Variants in CNST observed in about 807,000 individuals in gnomAD.
The protein encoded by CNST is consortin, connexin sorting protein.
CNST carries 39 observed loss-of-function variants against 72.4 expected under a neutral mutation model. That is an observed-to-expected ratio of 0.54 (90% CI 0.42 to 0.70). CNST has a LOEUF of 0.70. CNST is among the 30% of genes least tolerant of loss of function. CNST has a pLI of 0.00. For synonymous variants in CNST, 332 were observed against 320.1 expected, an observed-to-expected ratio of 1.04 and a Z score of -0.40; for missense variants, 871 against 868.5, an observed-to-expected ratio of 1.00 and a Z score of -0.04.
intron 9 of CNST, among the ~76,000 whole-genome samples, chr1:246,650,695 T>G (rs1666397476): frequency 6.6e-6 from 1 of 150,596 alleles, no homozygotes; most frequent in Non-Finnish European, 1.5e-5. Context: ...TTTTTTTTTT[T>G]GATACAGAGT....
At chr1:246,575,746 GGT>G (rs1227367131) in intron 1 of CNST, among the ~76,000 whole-genome samples, 10 of 152,100 alleles carry the variant, frequency 6.6e-5, no homozygotes, top group Middle Eastern at 3.4e-3. Context: ...TGTCGATAAA[GGT>G]GTCATGAAAC....
In CNST at chr1:246,629,259, C is replaced by G. The variant is rs532917737; in HGVS notation, c.586-2635C>G. 3.9e-4 allele frequency among the ~76,000 whole-genome samples: 59 copies of G among 152,256 alleles called. No individual in the cohort carries two copies. The South Asian group carries it at 4.8e-3, about 12-fold the overall frequency. On this transcript the variant is annotated intron_variant, in intron 3 of 10. Coordinates refer to ENST00000366513, the MANE Select transcript of CNST (RefSeq NM_152609.3). The stretch of plus-strand genomic sequence containing the variant: ...CCTCCAACCCCATGTTCTTTCTGCT[C>G]TACTGGGCTAGCTTTCAGATTTAGA...
chr1:246,614,183 C>T (rs114698542), intron 2 of CNST, among the ~76,000 whole-genome samples: 2,999 of 152,078 alleles, frequency 0.02, 90 homozygotes, highest in African/African-American at 0.061. Context: ...GAGGATGGGA[C>T]CCAAGTCTAA....
At chr1:246,585,641 C>CAA (rs543693321) in intron 1 of CNST, among the ~76,000 whole-genome samples, 29 of 42,828 alleles carry the variant, frequency 6.8e-4, no homozygotes, top group African/African-American at 1.1e-3. Flanking sequence ...GACTCTGTCT[C>CAA]AAAAAAAAAA....
At chr1:246,631,729 C>T (rs148713970) in intron 3 of CNST, among the ~76,000 whole-genome samples, 165 bp from the exon 4 acceptor site, 178 of 152,246 alleles carry the variant, frequency 1.2e-3, no homozygotes, top group African/African-American at 4.1e-3. Context: ...GCATCCTGTG[C>T]CTACAGTCAG....
intron 9 of CNST, among the ~76,000 whole-genome samples, chr1:246,650,976 C>T (rs976848472): frequency 3.9e-5 from 6 of 152,078 alleles, no homozygotes; most frequent in African/African-American, 1.2e-4. Context: ...CCATGCTTGG[C>T]CTTCAAACAC....
rs375848641 is a variant in CNST, at chr1:246,610,556, G to A, written c.380-10873G>A. 1.5e-3 allele frequency among the ~76,000 whole-genome samples: 229 copies of A among 152,178 alleles called. 5 individuals carry two copies. The South Asian group carries it at 0.043, about 29-fold the overall frequency. On this transcript the variant is annotated intron_variant, in intron 2 of 10. Coordinates refer to ENST00000366513, the MANE Select transcript of CNST (RefSeq NM_152609.3). ...TGGTGATGTCTTTGTATTGAAAACC[G>A]GACATTGGTGTATTATGATGTGGTA...
intron 2 of CNST, among the ~76,000 whole-genome samples, chr1:246,600,996 G>T (rs1469302130): frequency 6.6e-6 from 1 of 152,090 alleles, no homozygotes; most frequent in Non-Finnish European, 1.5e-5. Context: ...TGCATCAGAG[G>T]CCTACTTCTC....
Position 246,591,598 on chromosome 1 carries a change from A to G in CNST, c.36A>G (p.Gln12=), listed in dbSNP as rs1661547274. The G allele has an allele frequency of 6.2e-7, 1 of 1,614,052 alleles. No homozygotes were observed. Among genetic ancestry groups the G allele is most frequent in the Non-Finnish European group, 8.5e-7 (1 of 1,180,002 alleles). ...DDSDTPTYYL[Q]IEPQDGCHPG... is the part of the protein sequence containing the mutation. The stretch of plus-strand genomic sequence containing the variant: ...GCGATACTCCTACATATTATCTGCA[A>G]ATAGAACCACAAGATGGATGTCATC... The change falls in exon 2 of 11, where the codon CAA becomes CAG. Residue 12 remains glutamine, a synonymous_variant. Coordinates refer to ENST00000366513, the MANE Select transcript of CNST (RefSeq NM_152609.3).
chr1:246,636,357 G>A (rs1041674415), intron 6 of CNST, among the ~76,000 whole-genome samples: 2 of 152,072 alleles, frequency 1.3e-5, no homozygotes, highest in African/African-American at 4.8e-5. Flanking sequence ...TCAAAGTGAG[G>A]CTGGGGTTTT....
intron 1 of CNST, among the ~76,000 whole-genome samples, chr1:246,574,828 A>G (rs1284015592): frequency 1.3e-5 from 2 of 152,142 alleles, no homozygotes; most frequent in Non-Finnish European, 2.9e-5. Context: ...AATCTCTCTT[A>G]TAAGCAGCTA....
At chr1:246,630,516 G>C (rs1664710856) in intron 3 of CNST, among the ~76,000 whole-genome samples, 1 of 152,148 alleles carries the variant, frequency 6.6e-6, no homozygotes. Context: ...TGGAAAAAAT[G>C]TCACATTTGT....
intron 6 of CNST, among the ~76,000 whole-genome samples, chr1:246,635,087 C>T (rs1665097523): frequency 6.6e-6 from 1 of 151,718 alleles, no homozygotes; most frequent in Admixed American, 6.6e-5. Context: ...GTTATTCATC[C>T]CCCCAAGCTT....
At chr1:246,585,661 AAATAT>A (rs1363250924) in intron 1 of CNST, among the ~76,000 whole-genome samples, 1 of 58,596 alleles carries the variant, frequency 1.7e-5, no homozygotes, top group Non-Finnish European at 3.0e-5. Flanking sequence ...AAAAAAAAAA[AAATAT>A]ACACACACAC....
chr1:246,586,111 ATGTG>A (rs113258007), intron 1 of CNST, among the ~76,000 whole-genome samples: 1,389 of 102,640 alleles, frequency 0.014, 21 homozygotes, highest in South Asian at 0.022. Context: ...ATATATATAT[ATGTG>A]TGTGTGTGTG....
At chr1:246,645,707 T>C (rs982487732) in intron 8 of CNST, among the ~76,000 whole-genome samples, 2 of 151,536 alleles carry the variant, frequency 1.3e-5, no homozygotes, top group African/African-American at 4.8e-5. Flanking sequence ...GATGACAGGC[T>C]TGAGCCACCG....
At chr1:246,600,870 A>C (rs921049803) in intron 2 of CNST, among the ~76,000 whole-genome samples, 3 of 152,196 alleles carry the variant, frequency 2.0e-5, no homozygotes, top group African/African-American at 7.2e-5. Context: ...CTTAGATTTT[A>C]CATGTGAGGA....
At chr1:246,633,141 C>A (rs1014750607) in intron 4 of CNST, among the ~76,000 whole-genome samples, 2 of 152,120 alleles carry the variant, frequency 1.3e-5, no homozygotes, top group African/African-American at 4.8e-5. Context: ...TAAAATTTAC[C>A]TACTTCAAAA....
chr1:246,569,920 AG>A (rs1271795117), intron 1 of CNST: 2 of 983,528 alleles, frequency 2.0e-6, no homozygotes, highest in African/African-American at 3.5e-5. Context: ...AGGACCTTCA[AG>A]AAGATTGAAC....
Sources: gnomAD v4.1 joint callset for allele counts (sites outside exome capture counted in the v4.1 genomes callset) on GRCh38, gnomAD v4.1.1 for gene constraint, MANE v1.5 for transcripts, NCBI Gene and HGNC (gene_info 2026-07-23, HGNC 2026-07-21) for gene names.